Variants in SPRED3 observed in about 807,000 individuals in gnomAD.
The protein encoded by SPRED3 is sprouty-related, EVH1 domain-containing protein 3.
SPRED3 carries 23 observed loss-of-function variants against 37.6 expected under a neutral mutation model. That is an observed-to-expected ratio of 0.61 (90% CI 0.44 to 0.87). The LOEUF (loss-of-function observed/expected upper bound fraction) is 0.87. SPRED3 is among the 40% of genes least tolerant of loss of function. The pLI is 0.00. For synonymous variants in SPRED3, 302 were observed against 279.6 expected, an observed-to-expected ratio of 1.08 and a Z score of -0.80; for missense variants, 584 against 618.6, an observed-to-expected ratio of 0.94 and a Z score of 0.59.
At position 38,398,153 on chromosome 19, in the gene SPRED3, C is replaced by T. The variant is rs770924862; in HGVS notation, c.*2008C>T. ...AGTCTTGCAGACCTTCCTTCAAGCA[C>T]AACCTTAATTCCTAGTCCAGGTTCA... On this transcript the variant is annotated 3_prime_UTR_variant, in exon 6 of 6. Coordinates refer to ENST00000691638, the MANE Select transcript of SPRED3 (RefSeq NM_001394336.1). 6.6e-6 allele frequency: 1 copy of T among 152,278 alleles called. No individual in the cohort carries two copies. Among genetic ancestry groups the T allele is most frequent in the Non-Finnish European group, 1.5e-5 (1 of 68,076 alleles). The allele number at this position is 152,278 out of a possible 1,614,324, so 9.4% of individuals were successfully genotyped here.
chr19:38,396,946 G>T lies in SPRED3; in HGVS notation c.*801G>T, dbSNP rs1970905480. The T allele has an allele frequency of 6.6e-6, 1 of 152,066 alleles. No individual in the cohort carries two copies. The highest frequency in any genetic ancestry group is 1.5e-5 in the Non-Finnish European group (1 of 68,010). 9.4% of individuals were successfully genotyped at this position (152,066 alleles called of 1,614,324 possible). ...ACACGAGCTGTTCTCTTACCAAAAT[G>T]ACTTGGGAGACCCATCCCAGAGCCC... On this transcript the variant is annotated 3_prime_UTR_variant, in exon 6 of 6. Coordinates refer to ENST00000691638, the MANE Select transcript of SPRED3 (RefSeq NM_001394336.1).
In SPRED3 at chr19:38,395,490, C is replaced by T. The variant is rs375461742; in HGVS notation, c.578C>T (p.Pro193Leu). The T allele has an allele frequency of 3.3e-6, 5 of 1,498,982 alleles. No individual in the cohort carries two copies. The highest frequency in any genetic ancestry group is 4.4e-6 in the Non-Finnish European group (5 of 1,127,836). The allele number at this position is 1,498,982 out of a possible 1,614,324, so 92.9% of individuals were successfully genotyped here. Reference sequence around the variant, plus strand: ...CCCTTCGTTCCGCAGAGCTACCCTCCGCTTCTACCGTTCACGGGGATTCCG... The same window carrying T: ...CCCTTCGTTCCGCAGAGCTACCCTCTGCTTCTACCGTTCACGGGGATTCCG... ...RRRSSAQSYP[P>L]LLPFTGIPEP... Residue 193 changes from proline (P) to leucine (L), a missense_variant, in exon 6 of 6, where the codon CCG becomes CTG. Pro to Leu is a moderately conservative substitution (Grantham distance 98). Coordinates refer to ENST00000691638, the MANE Select transcript of SPRED3 (RefSeq NM_001394336.1). This position sits in a 1 kb window ranked among gnomAD's most constrained non-coding sequence, Gnocchi z 5.2.
In SPRED3 at chr19:38,395,522, T is replaced by A; in HGVS notation, c.610T>A (p.Ser204Thr). 7.1e-6 allele frequency: 11 copies of A among 1,540,246 alleles called. No individual in the cohort carries two copies. The highest frequency in any genetic ancestry group is 9.6e-6 in the Non-Finnish European group (11 of 1,148,410). Residue 204 changes from serine to threonine, a missense_variant, in exon 6 of 6, where the codon TCA (serine) becomes ACA (threonine). Ser to Thr is a moderately conservative substitution (Grantham distance 58). Transcript: ENST00000691638. This position sits in a 1 kb window ranked among gnomAD's most constrained non-coding sequence, Gnocchi z 5.2. ...ACCGTTCACGGGGATTCCGGAACCC[T>A]CAGAGCCCCTGGCAGGGGCAGGGGG... ...LLPFTGIPEP[S>T]EPLAGAGGLG...
chr19:38,395,650 G>A lies in SPRED3; in HGVS notation c.738G>A (p.Ala246=), dbSNP rs1970885818. 5 of 1,526,480 alleles carry A rather than the reference G, an allele frequency of 3.3e-6. No homozygotes were observed. Among genetic ancestry groups the A allele is most frequent in the Non-Finnish European group, 4.4e-6 (5 of 1,147,322 alleles). 94.6% of individuals were successfully genotyped at this position (1,526,480 alleles called of 1,614,324 possible). A position where few individuals can be genotyped will look rare whatever the true frequency, so the allele number is the denominator to read the frequency against. The change falls in exon 6 of 6, where the codon GCG becomes GCA. Residue 246 remains alanine, a synonymous_variant. Transcript: ENST00000691638. This position sits in a 1 kb window ranked among gnomAD's most constrained non-coding sequence, Gnocchi z 5.2. ...TCVVRFAKTG[A]LRGAALGPPA... is the part of the protein sequence containing the mutation. ...TCGTGCGCTTCGCCAAGACCGGCGC[G>A]TTGAGGGGCGCTGCCCTGGGTCCCC...
Position 38,394,735 on chromosome 19 carries a change from T to A in SPRED3, c.516T>A (p.Ala172=). ...AAAPIITMES[A]SGFGPTTPPQ... ...CCCCCATCATCACGATGGAGTCAGCTTCAGGCTTCGGGCCGACCACGCCCC... is the reference window on the plus strand; with the variant it reads ...CCCCCATCATCACGATGGAGTCAGCATCAGGCTTCGGGCCGACCACGCCCC... The change falls in exon 5 of 6, where the codon GCT becomes GCA. Residue 172 remains alanine (A), a synonymous_variant. Coordinates refer to ENST00000691638, the MANE Select transcript of SPRED3 (RefSeq NM_001394336.1). 6.3e-7 allele frequency: 1 copy of A among 1,588,896 alleles called. No homozygotes were observed.
At chr19:38,389,870 T>C (rs115808176) in intron 1 of SPRED3, 2,298 of 151,202 alleles carry the variant, frequency 0.015, 54 homozygotes, top group African/African-American at 0.054. Flanking sequence ...AGGAGCTGAG[T>C]TGATGGGCCC....
rs1970904743 is a variant in SPRED3 at position 38,396,897 on chromosome 19, C to T, written c.*752C>T. ...CCTGGGACCCCAGACTCTTAAGATGCACTGAGTGCTCGGATATACTGAAAC... is the reference window on the plus strand; with the variant it reads ...CCTGGGACCCCAGACTCTTAAGATGTACTGAGTGCTCGGATATACTGAAAC... On this transcript the variant is annotated 3_prime_UTR_variant, in exon 6 of 6. Transcript: ENST00000691638. The T allele has an allele frequency of 6.6e-6, 1 of 152,150 alleles. No homozygotes were observed. The highest frequency in any genetic ancestry group is 1.5e-5 in the Non-Finnish European group (1 of 68,036). 9.4% of individuals were successfully genotyped at this position (152,150 alleles called of 1,614,324 possible). A position where few individuals can be genotyped will look rare whatever the true frequency, so the allele number is the denominator to read the frequency against.
chr19:38,389,049 C>T (rs1292233196), intron 1 of SPRED3, among the ~76,000 whole-genome samples: 1 of 152,174 alleles, frequency 6.6e-6, no homozygotes, highest in Non-Finnish European at 1.5e-5. Context: ...GGACCCTCAC[C>T]GTTGAGGAAC....
chr19:38,389,262 G>C (rs1440325621), intron 1 of SPRED3, among the ~76,000 whole-genome samples: 1 of 152,132 alleles, frequency 6.6e-6, no homozygotes, highest in Non-Finnish European at 1.5e-5. Context: ...TTGAGAAAAG[G>C]GGGCTGGGGG....
rs375845556 is a variant in SPRED3 at position 38,395,506 on chromosome 19, G to C, written c.594G>C (p.Thr198=). The part of the protein sequence containing the change: ...AQSYPPLLPF[T]GIPEPSEPLA... Reference sequence around the variant, plus strand: ...GCTACCCTCCGCTTCTACCGTTCACGGGGATTCCGGAACCCTCAGAGCCCC... The same window carrying C: ...GCTACCCTCCGCTTCTACCGTTCACCGGGATTCCGGAACCCTCAGAGCCCC... Residue 198 remains threonine (T), a synonymous_variant, in exon 6 of 6, where the codon ACG becomes ACC. Coordinates refer to ENST00000691638, the MANE Select transcript of SPRED3 (RefSeq NM_001394336.1). The surrounding 1 kb of genome is among the most constrained non-coding windows in gnomAD (Gnocchi z 5.2). 1 of 1,519,408 alleles carries C rather than the reference G, an allele frequency of 6.6e-7. No individual in the cohort carries two copies. Among genetic ancestry groups the C allele is most frequent in the Non-Finnish European group, 8.8e-7 (1 of 1,138,270 alleles). 94.1% of individuals were successfully genotyped at this position (1,519,408 alleles called of 1,614,324 possible). A position where few individuals can be genotyped will look rare whatever the true frequency, so the allele number is the denominator to read the frequency against.
In SPRED3 at chr19:38,397,024, C is replaced by G. The variant is rs1970906531; in HGVS notation, c.*879C>G. 1 of 152,192 alleles carries G rather than the reference C, an allele frequency of 6.6e-6. No homozygotes were observed. Among genetic ancestry groups the G allele is most frequent in the Admixed American group, 6.5e-5 (1 of 15,284 alleles). 9.4% of individuals were successfully genotyped at this position (152,192 alleles called of 1,614,324 possible). A position where few individuals can be genotyped will look rare whatever the true frequency, so the allele number is the denominator to read the frequency against. ...TGCTCTGGAAGCCAGGGATCAAAGA[C>G]CTCCATAGGTCCACCCACCCCCAAG... On this transcript the variant is annotated 3_prime_UTR_variant, in exon 6 of 6. Transcript: ENST00000691638.
chr19:38,390,193 A>T, intron 1 of SPRED3, 106 bp from the exon 2 acceptor site: 1 of 1,142,072 alleles, frequency 8.8e-7, no homozygotes, highest in Non-Finnish European at 1.1e-6. Flanking sequence ...CCTGGACGTG[A>T]GAGATGAAGT....
chr19:38,388,707 G>GT lies in SPRED3; in HGVS notation c.-105_-104insT. On this transcript the variant is annotated 5_prime_UTR_variant, in exon 1 of 6. Transcript: ENST00000691638. ...CTCCCCCCTCGCCCCGGCTCCCGGT[G>GT]CCCGTCTCCAGCGCCGCCGGAGCCA... The GT allele has an allele frequency of 2.5e-6, 1 of 397,052 alleles. No homozygotes were observed. The highest frequency in any genetic ancestry group is 4.4e-6 in the Non-Finnish European group (1 of 225,456). The allele number at this position is 397,052 out of a possible 1,614,324, so 24.6% of individuals were successfully genotyped here. A position where few individuals can be genotyped will look rare whatever the true frequency, so the allele number is the denominator to read the frequency against.
Position 38,394,719 on chromosome 19 carries a change from T to A in SPRED3, c.500T>A (p.Ile167Asn), listed in dbSNP as rs746905493. 5 of 1,593,542 alleles carry A rather than the reference T, an allele frequency of 3.1e-6. No homozygotes were observed. The highest frequency in any genetic ancestry group is 1.8e-5 in the Admixed American group (1 of 57,126). The change falls in exon 5 of 6, where the codon ATC (isoleucine) becomes AAC (asparagine). Residue 167 changes from isoleucine (I) to asparagine (N), a missense_variant. This residue lies in a region of SPRED3 where 310 missense variants were observed against 281.1 expected (regional missense o/e 1.10). Coordinates refer to ENST00000691638, the MANE Select transcript of SPRED3 (RefSeq NM_001394336.1). ...TPPSAAAAPI[I>N]TMESASGFGP... ...CCCAGCGCCGCTGCGGCCCCCATCA[T>A]CACGATGGAGTCAGCTTCAGGCTTC...
At chr19:38,392,990 C>G (rs932903192) in intron 4 of SPRED3, among the ~76,000 whole-genome samples, 1 of 152,248 alleles carries the variant, frequency 6.6e-6, no homozygotes, top group Admixed American at 6.5e-5. Flanking sequence ...AAAGTCCTTA[C>G]AGTGGCATAT....
chr19:38,394,801 C>A lies in SPRED3; in HGVS notation c.567+15C>A. On this transcript the variant is annotated intron_variant, in intron 5 of 5. Transcript: ENST00000691638. ...CCTCCGCTCAGGTGCGACCTGGGAG[C>A]CTGGGGCTCCTGGGGGAATGGGGCG... The A allele has an allele frequency of 1.3e-6, 2 of 1,532,026 alleles. No individual in the cohort carries two copies. The highest frequency in any genetic ancestry group is 2.1e-5 in the Admixed American group (1 of 48,290). The allele number at this position is 1,532,026 out of a possible 1,614,324, so 94.9% of individuals were successfully genotyped here. A position where few individuals can be genotyped will look rare whatever the true frequency, so the allele number is the denominator to read the frequency against.
At chr19:38,391,921 A>G in intron 2 of SPRED3, 25 bp from the exon 3 acceptor site, 1 of 1,611,818 alleles carries the variant, frequency 6.2e-7, no homozygotes, top group African/African-American at 1.3e-5. Context: ...GGGGTATCTG[A>G]CCCTGCTTTC....
At chr19:38,394,855 G>A in intron 5 of SPRED3, 69 bp downstream of exon 5, 1 of 1,452,804 alleles carries the variant, frequency 6.9e-7, no homozygotes. Context: ...GGGAGCGGGA[G>A]CCATGGCCCG....
intron 4 of SPRED3, chr19:38,392,536 G>A (rs1970846012): frequency 2.5e-6 from 1 of 403,842 alleles, no homozygotes; most frequent in African/African-American, 2.1e-5. Context: ...TAGGCACTGG[G>A]TTACATCAGT....
Sources: allele counts gnomAD v4.1 joint callset (sites outside exome capture counted in the v4.1 genomes callset), GRCh38; gene constraint gnomAD v4.1.1; regional missense constraint gnomAD v4.1.1; non-coding constraint Gnocchi (gnomAD v3.1); transcripts MANE v1.5; gene names NCBI Gene and HGNC (gene_info 2026-07-23, HGNC 2026-07-21).